Variants in YIPF1 observed in about 807,000 individuals in gnomAD.
YIPF1 encodes the protein Yip1 domain family member 1.
YIPF1 carries 22 observed loss-of-function variants against 37.0 expected under a neutral mutation model. That is an observed-to-expected ratio of 0.59 (90% CI 0.42 to 0.85). The LOEUF is 0.85. YIPF1 is among the 40% of genes least tolerant of loss of function. YIPF1 has a pLI of 0.00. For synonymous variants in YIPF1, 128 were observed against 131.9 expected, an observed-to-expected ratio of 0.97 and a Z score of 0.21; for missense variants, 355 against 373.1, an observed-to-expected ratio of 0.95 and a Z score of 0.40.
At position 53,878,849 on chromosome 1, in the gene YIPF1, C is replaced by G. The variant is rs1209827822; in HGVS notation, c.196-127G>C. The G allele has an allele frequency of 5.3e-6, 4 of 753,896 alleles. No homozygotes were observed. In the East Asian group the frequency reaches 1.3e-4, roughly 24 times the overall value. The allele number at this position is 753,896 out of a possible 1,614,324, so 46.7% of individuals were successfully genotyped here. On this transcript the variant is annotated intron_variant, in intron 4 of 10. Coordinates refer to ENST00000072644, the MANE Select transcript of YIPF1 (RefSeq NM_018982.5). ...TTGAAACAATAGGCTCTTCCACATT[C>G]AATAACCAACTCTGAAATAGCCAAT...
Position 53,878,707 on chromosome 1 carries a change from T to G in YIPF1, c.211A>C (p.Lys71Gln), listed in dbSNP as rs759799052. ...SDKTELLAGQ[K>Q]KSSPFWTFEY... ...AATGTCCAGAAGGGGGAGCTTTTCTTCTGTCCAGCAAGTAACTGTCAGAAA... is the reference window on the plus strand; with the variant it reads ...AATGTCCAGAAGGGGGAGCTTTTCTGCTGTCCAGCAAGTAACTGTCAGAAA... The change falls in exon 5 of 11, where the codon AAG becomes CAG. Residue 71 changes from lysine to glutamine, a missense_variant. Physicochemically the swap from Lys to Gln is moderately conservative, Grantham distance 53. Coordinates refer to ENST00000072644, the MANE Select transcript of YIPF1 (RefSeq NM_018982.5). 16 of 1,595,432 alleles carry G rather than the reference T, an allele frequency of 1.0e-5. No homozygotes were observed. The South Asian group carries it at 1.7e-4, about 17-fold the overall frequency.
At chr1:53,883,552 C>A (rs1349089110) in intron 3 of YIPF1, among the ~76,000 whole-genome samples, 1 of 152,182 alleles carries the variant, frequency 6.6e-6, no homozygotes, top group African/African-American at 2.4e-5. Flanking sequence ...AGTAACTAAA[C>A]CCCTCTAAAC....
At position 53,885,885 on chromosome 1, in the gene YIPF1, T is replaced by C. The variant is rs567828263; in HGVS notation, c.32-2609A>G. Among the ~76,000 whole-genome samples, 132 of 150,714 alleles carry C rather than the reference T, an allele frequency of 8.8e-4. 2 individuals are homozygous for C. The highest frequency in any genetic ancestry group is 3.2e-3 in the African/African-American group (131 of 40,696). ...GATTGTTTGTAATACAAAGGATAAA[T>C]GCTTGAAGTGATGGACACCCTGTTT... On this transcript the variant is annotated intron_variant, in intron 3 of 10. Coordinates refer to ENST00000072644, the MANE Select transcript of YIPF1 (RefSeq NM_018982.5).
intron 3 of YIPF1, among the ~76,000 whole-genome samples, chr1:53,883,960 C>T (rs192015391): frequency 1.3e-5 from 2 of 152,170 alleles, no homozygotes; most frequent in African/African-American, 4.8e-5. Context: ...TCACTTGAAC[C>T]CAGGAGGCAA....
intron 2 of YIPF1, 87 bp downstream of exon 2, chr1:53,889,157 G>A (rs1204937922): frequency 1.1e-5 from 5 of 439,354 alleles, no homozygotes; most frequent in African/African-American, 7.8e-5. Context: ...TATTAAAACT[G>A]TAACAAAGAA....
intron 7 of YIPF1, among the ~76,000 whole-genome samples, chr1:53,867,509 A>C (rs1046955851): frequency 6.6e-6 from 1 of 151,602 alleles, no homozygotes; most frequent in Non-Finnish European, 1.5e-5. Flanking sequence ...AGTAGCTGGG[A>C]CTACAGGCGC....
intron 7 of YIPF1, among the ~76,000 whole-genome samples, chr1:53,870,886 C>T (rs1445888671): frequency 6.6e-6 from 1 of 151,708 alleles, no homozygotes; most frequent in Non-Finnish European, 1.5e-5. Flanking sequence ...GTGTTGCATG[C>T]CTATGGTCCC....
chr1:53,865,439 A>G (rs1049897258), intron 9 of YIPF1, among the ~76,000 whole-genome samples: 2 of 152,228 alleles, frequency 1.3e-5, no homozygotes, highest in Non-Finnish European at 2.9e-5. Context: ...ATACAGTATA[A>G]TAACTATTTA....
chr1:53,869,641 T>C (rs1650124553), intron 7 of YIPF1, among the ~76,000 whole-genome samples: 1 of 152,122 alleles, frequency 6.6e-6, no homozygotes, highest in African/African-American at 2.4e-5. Flanking sequence ...GCGAGGGAAC[T>C]GAGAAAGTGG....
In YIPF1 at chr1:53,861,142, T is replaced by C. The variant is rs543857738; in HGVS notation, c.832-989A>G. Among the ~76,000 whole-genome samples, 9 of 152,342 alleles carry C rather than the reference T, an allele frequency of 5.9e-5. No homozygotes were observed. In the East Asian group the frequency reaches 1.7e-3, roughly 29 times the overall value. On this transcript the variant is annotated intron_variant, in intron 9 of 10. Transcript: ENST00000072644. Reference sequence around the variant, plus strand: ...CCATGTTAACTCTTTTTGAAAAGTTTCCAGATGATGTCTTTCTCTGCAGAC... The same window carrying C: ...CCATGTTAACTCTTTTTGAAAAGTTCCCAGATGATGTCTTTCTCTGCAGAC...
At chr1:53,874,325 T>C (rs1317468453) in intron 6 of YIPF1, among the ~76,000 whole-genome samples, 1 of 152,124 alleles carries the variant, frequency 6.6e-6, no homozygotes, top group African/African-American at 2.4e-5. Context: ...ACTCTTATTA[T>C]GGGTTGGGGG....
At chr1:53,859,424 G>A (rs772571284) in intron 10 of YIPF1, among the ~76,000 whole-genome samples, 2 of 152,166 alleles carry the variant, frequency 1.3e-5, no homozygotes, top group Non-Finnish European at 2.9e-5. Context: ...AGCACTTTGG[G>A]TGGCCGAGGC....
Position 53,883,153 on chromosome 1 carries a change from T to A in YIPF1, c.155A>T (p.Asp52Val), listed in dbSNP as rs1650547328. Residue 52 changes from aspartate to valine, a missense_variant, in exon 4 of 11, where the codon GAT becomes GTT. Physicochemically the swap from Asp to Val is radical, Grantham distance 152. Transcript: ENST00000072644. The part of the protein sequence containing the change: ...GSPRGSGREE[D>V]DELLGNDDSD... ...GTCATCATTTCCCAGTAACTCATCA[T>A]CTTCTTCTCTTCCTGAGCCTCTTGG... The A allele has an allele frequency of 6.2e-7, 1 of 1,600,130 alleles. No homozygotes were observed. Among genetic ancestry groups the A allele is most frequent in the Non-Finnish European group, 8.5e-7 (1 of 1,174,838 alleles).
intron 9 of YIPF1, among the ~76,000 whole-genome samples, chr1:53,860,808 G>A (rs1037324483): frequency 2.0e-5 from 3 of 152,166 alleles, no homozygotes; most frequent in Non-Finnish European, 4.4e-5. Context: ...ACAATTTAAC[G>A]GTCAAAAGTC....
intron 10 of YIPF1, among the ~76,000 whole-genome samples, chr1:53,858,833 G>A (rs1045118555): frequency 3.3e-5 from 5 of 152,138 alleles, no homozygotes; most frequent in African/African-American, 1.2e-4. Context: ...ACGGGGTTTT[G>A]CCGCATTGCC....
intron 6 of YIPF1, among the ~76,000 whole-genome samples, chr1:53,875,360 C>T (rs763817472): frequency 2.6e-5 from 4 of 151,966 alleles, no homozygotes; most frequent in Non-Finnish European, 5.9e-5. Flanking sequence ...ACAAAAAATA[C>T]AAACATTATC....
In YIPF1 at chr1:53,866,323, GC is replaced by G; in HGVS notation, c.707del (p.Gly236AlafsTer9). Reference sequence around the variant, plus strand: ...TCATTGCCAAGAGAGATCCTGAGATGCCCAGGGCAATCATGACTAGAATCCA... The same window carrying G: ...TCATTGCCAAGAGAGATCCTGAGATGCCAGGGCAATCATGACTAGAATCCA... ...VRWILVMIAL[G>X]ISGSLLAMTF... On this transcript the variant is annotated frameshift_variant, in exon 9 of 11. Transcript: ENST00000072644. LOFTEE classifies it high-confidence loss of function. The G allele has an allele frequency of 3.1e-6, 5 of 1,614,194 alleles. No individual in the cohort carries two copies. Among genetic ancestry groups the G allele is most frequent in the Non-Finnish European group, 4.2e-6 (5 of 1,180,032 alleles).
intron 10 of YIPF1, among the ~76,000 whole-genome samples, chr1:53,856,168 T>G (rs1649713042): frequency 6.6e-6 from 1 of 152,182 alleles, no homozygotes; most frequent in Non-Finnish European, 1.5e-5. Context: ...TTTGGAGACT[T>G]GACACCCAAA....
At chr1:53,879,392 C>G (rs1272267624) in intron 4 of YIPF1, among the ~76,000 whole-genome samples, 1 of 152,152 alleles carries the variant, frequency 6.6e-6, no homozygotes, top group Non-Finnish European at 1.5e-5. Flanking sequence ...CTGCATCCAG[C>G]AGTGTAAATA....
Sources: gnomAD v4.1 joint callset for allele counts (sites outside exome capture counted in the v4.1 genomes callset) on GRCh38, gnomAD v4.1.1 for gene constraint, MANE v1.5 for transcripts, NCBI Gene and HGNC (gene_info 2026-07-23, HGNC 2026-07-21) for gene names.